PCDHGA3: variants seen among roughly 807,000 people sequenced by gnomAD.
PCDHGA3 encodes protocadherin gamma subfamily A, 3.
Under a neutral mutation model 58.5 loss-of-function variants are expected in PCDHGA3, and 40 were observed. The observed-to-expected ratio is 0.68, with a 90% CI of 0.53 to 0.89. PCDHGA3 has a LOEUF of 0.89. Ranked by LOEUF, PCDHGA3 falls within the 40% of genes least tolerant of loss-of-function variation. PCDHGA3 has a pLI of 0.00. For synonymous variants in PCDHGA3, 530 were observed against 525.7 expected (o/e 1.01, Z -0.11); for missense variants, 1,223 against 1,195.9 (o/e 1.02, Z -0.33).
At chr5:141,448,114 A>G (rs1483138819) in intron 1 of PCDHGA3, among the ~76,000 whole-genome samples, 1 of 151,948 alleles carries the variant, frequency 6.6e-6, no homozygotes, top group Non-Finnish European at 1.5e-5. Flanking sequence ...AGAAAAGAAA[A>G]TTAGCCTCCC....
At chr5:141,395,896 A>C (rs1229120477) in intron 1 of PCDHGA3, 2 of 152,188 alleles carry the variant, frequency 1.3e-5, no homozygotes, top group Admixed American at 6.5e-5. Flanking sequence ...CCTGGGCTCC[A>C]TGCCCATGGA....
intron 1 of PCDHGA3, among the ~76,000 whole-genome samples, chr5:141,463,632 T>C (rs2099065676): frequency 6.6e-6 from 1 of 151,822 alleles, no homozygotes; most frequent in Admixed American, 6.6e-5. Flanking sequence ...GTATTTTGTT[T>C]AGTAGAGACG....
chr5:141,393,947 G>C, intron 1 of PCDHGA3: 1 of 1,613,972 alleles, frequency 6.2e-7, no homozygotes, highest in South Asian at 1.1e-5. Context: ...ACTCTGGAAA[G>C]AATGGTCAAG....
At chr5:141,433,332 T>C (rs1344429296) in intron 1 of PCDHGA3, 7 of 694,580 alleles carry the variant, frequency 1.0e-5, no homozygotes, top group Non-Finnish European at 1.7e-5. Context: ...TAACAGGGAC[T>C]ACAGGTGCAA....
chr5:141,490,942 C>A lies in PCDHGA3; in HGVS notation c.2425-3865C>A, dbSNP rs371286343. On this transcript the variant is annotated intron_variant, in intron 1 of 3. Coordinates refer to ENST00000253812, the MANE Select transcript of PCDHGA3 (RefSeq NM_018916.4). This position sits in a 1 kb window ranked among gnomAD's most constrained non-coding sequence, Gnocchi z 5.4. ...TAATGCCCCAGCTGTGCTGCACCCA[C>A]GGCCAGACTGGGAACACTCAGCCCC... The A allele has an allele frequency of 3.0e-5, 49 of 1,613,526 alleles. No individual in the cohort carries two copies. The highest frequency in any genetic ancestry group is 4.1e-5 in the Non-Finnish European group (48 of 1,179,768).
intron 1 of PCDHGA3, chr5:141,361,749 C>G: frequency 6.2e-7 from 1 of 1,613,058 alleles, no homozygotes; most frequent in Non-Finnish European, 8.5e-7. Flanking sequence ...GCGACCAGGG[C>G]TCGCCCGCGC....
rs926814527 is a variant in PCDHGA3 at position 141,388,113 on chromosome 5, G to A, written c.2424+41656G>A. 7 of 1,412,244 alleles carry A rather than the reference G, an allele frequency of 5.0e-6. No individual in the cohort carries two copies. Among genetic ancestry groups the A allele is most frequent in the African/African-American group, 4.3e-5 (3 of 69,434 alleles). 87.5% of individuals were successfully genotyped at this position (1,412,244 alleles called of 1,614,324 possible). On this transcript the variant is annotated intron_variant, in intron 1 of 3. Transcript: ENST00000253812. ...CAGTTCGGAGAAGCCTTACTTCACCGTGAGCGCAGAGAGCGGGGAGTTGCT... is the reference window on the plus strand; with the variant it reads ...CAGTTCGGAGAAGCCTTACTTCACCATGAGCGCAGAGAGCGGGGAGTTGCT...
At chr5:141,387,214 A>G (rs189405322) in intron 1 of PCDHGA3, among the ~76,000 whole-genome samples, 1 of 152,346 alleles carries the variant, frequency 6.6e-6, no homozygotes, top group African/African-American at 2.4e-5. Context: ...TACTCTCCGG[A>G]AAAAGTTGAA....
At chr5:141,409,507 T>C (rs1220086382) in intron 1 of PCDHGA3, 3 of 1,613,982 alleles carry the variant, frequency 1.9e-6, no homozygotes, top group South Asian at 1.1e-5. Flanking sequence ...TTTCTTCCAG[T>C]AGAAGCATCA....
Position 141,344,936 on chromosome 5 carries a change from A to G in PCDHGA3, c.903A>G (p.Val301=), listed in dbSNP as rs745857487. ...ATCTTAACTCAGTGAGTGGAGAAGT[A>G]TCAATATTAAAAAGTCTAGATTATG... The part of the protein sequence containing the change: ...IFHLNSVSGE[V]SILKSLDYED... Residue 301 remains valine (V), a synonymous_variant, in exon 1 of 4, where the codon GTA becomes GTG. Transcript: ENST00000253812. The G allele has an allele frequency of 3.1e-6, 5 of 1,613,966 alleles. No homozygotes were observed. The highest frequency in any genetic ancestry group is 4.2e-6 in the Non-Finnish European group (5 of 1,179,858).
intron 1 of PCDHGA3, chr5:141,441,694 G>A (rs1443778772): frequency 2.3e-5 from 7 of 301,140 alleles, no homozygotes; most frequent in Non-Finnish European, 2.6e-5. Context: ...GAGCAGCCGC[G>A]AGCCTTCAAG....
intron 1 of PCDHGA3, chr5:141,357,721 T>A: frequency 7.1e-7 from 1 of 1,415,050 alleles, no homozygotes; most frequent in East Asian, 2.5e-5. Flanking sequence ...TAAAGTTGCC[T>A]CTTTTAATAT....
In PCDHGA3 at chr5:141,431,930, C is replaced by A. The variant is rs761060241; in HGVS notation, c.2425-62877C>A. 236 of 1,613,932 alleles carry A rather than the reference C, an allele frequency of 1.5e-4. 1 individual carries two copies. The highest frequency in any genetic ancestry group is 1.4e-3 in the South Asian group (124 of 91,086). The stretch of plus-strand genomic sequence containing the variant: ...GATCTGTTTCATCCAAGGAAATCTG[C>A]CCTTTAAATTAGAAAAATCTTACGG... On this transcript the variant is annotated intron_variant, in intron 1 of 3. Transcript: ENST00000253812. This position sits in a 1 kb window ranked among gnomAD's most constrained non-coding sequence, Gnocchi z 4.8.
chr5:141,429,377 G>T (rs1029180912), intron 1 of PCDHGA3, among the ~76,000 whole-genome samples: 1 of 149,434 alleles, frequency 6.7e-6, no homozygotes, highest in African/African-American at 2.5e-5. Context: ...GAGAAAATGT[G>T]TTTTTTTTTT....
intron 1 of PCDHGA3, chr5:141,394,841 C>A: frequency 6.2e-7 from 1 of 1,613,852 alleles, no homozygotes; most frequent in Non-Finnish European, 8.5e-7. Flanking sequence ...CCGAGTTGGG[C>A]AGTCTGAAGC....
chr5:141,364,437 C>T (rs1489838873), intron 1 of PCDHGA3: 16 of 1,613,832 alleles, frequency 9.9e-6, no homozygotes, highest in Middle Eastern at 3.3e-4. Context: ...TACTCGATGC[C>T]GGAGGAGCTG....
rs1256615029 is a variant in PCDHGA3 at position 141,512,740 on chromosome 5, C to T, written c.*1567C>T. ...GCGGGTGGGCAGCGGGCGGCGGGCT[C>T]CGCGCAGCCGTCTGTCCTTGATCTG... On this transcript the variant is annotated 3_prime_UTR_variant, in exon 4 of 4. Transcript: ENST00000253812. 1 of 152,788 alleles carries T rather than the reference C, an allele frequency of 6.5e-6. No individual in the cohort carries two copies. The highest frequency in any genetic ancestry group is 1.5e-5 in the Non-Finnish European group (1 of 68,570). The allele number at this position is 152,788 out of a possible 1,614,324, so 9.5% of individuals were successfully genotyped here.
At chr5:141,430,915 G>A (rs565034370) in intron 1 of PCDHGA3, 2 of 1,607,738 alleles carry the variant, frequency 1.2e-6, no homozygotes, top group East Asian at 4.5e-5. Context: ...CCAGGGACCT[G>A]GGGCTGGAGC....
In PCDHGA3 at chr5:141,351,684, C is replaced by T. The variant is rs939154517; in HGVS notation, c.2424+5227C>T. 2.3e-5 allele frequency: 37 copies of T among 1,613,986 alleles called. No homozygotes were observed. Among genetic ancestry groups the T allele is most frequent in the Non-Finnish European group, 3.1e-5 (36 of 1,179,910 alleles). ...ATTGCACAAGTAAGCGCCTCCGACC[C>T]GGATTTGGGACCCAACGGCAGAGTC... On this transcript the variant is annotated intron_variant, in intron 1 of 3. Transcript: ENST00000253812.
Sources: gnomAD v4.1 joint callset for allele counts (sites outside exome capture counted in the v4.1 genomes callset) on GRCh38, gnomAD v4.1.1 for gene constraint, Gnocchi (gnomAD v3.1) non-coding constraint, MANE v1.5 for transcripts, NCBI Gene and HGNC (gene_info 2026-07-23, HGNC 2026-07-21) for gene names.